Variants in OPCML observed in about 807,000 individuals in gnomAD.
The protein encoded by OPCML is opioid-binding protein/cell adhesion molecule.
In OPCML, 13 loss-of-function variants were observed where a neutral mutation model predicts 37.8. That is an observed-to-expected ratio of 0.34 (90% CI 0.22 to 0.55). OPCML has a LOEUF of 0.55. OPCML is among the 20% of genes least tolerant of loss of function. The pLI, the probability that OPCML is intolerant of heterozygous loss-of-function variation, is 0.91. For missense variants in OPCML, 341 were observed against 435.6 expected (o/e 0.78, Z 1.93); for synonymous variants, 176 against 168.8 (o/e 1.04, Z -0.33).
intron 1 of OPCML, among the ~76,000 whole-genome samples, chr11:133,483,412 TTAAATAGATAG>T (rs1191815416): frequency 6.6e-6 from 1 of 151,646 alleles, no homozygotes; most frequent in East Asian, 1.9e-4. Context: ...GATTGATAGA[TTAAATAGATAG>T]ATAATAGGCA....
At chr11:133,491,360 GACA>G (rs1323596369) in intron 1 of OPCML, among the ~76,000 whole-genome samples, 1 of 152,164 alleles carries the variant, frequency 6.6e-6, no homozygotes, top group Non-Finnish European at 1.5e-5. Flanking sequence ...AAGGCACCAC[GACA>G]CACTAGGTGA....
At chr11:133,273,908 T>A (rs1256374659) in intron 1 of OPCML, among the ~76,000 whole-genome samples, 1 of 152,258 alleles carries the variant, frequency 6.6e-6, no homozygotes, top group East Asian at 1.9e-4. Context: ...ATAAGTTTAA[T>A]TATTACTACT....
chr11:132,792,865 C>T (rs916326551), intron 2 of OPCML, among the ~76,000 whole-genome samples: 1 of 152,188 alleles, frequency 6.6e-6, no homozygotes, highest in Non-Finnish European at 1.5e-5. Flanking sequence ...GCCCGGGCAG[C>T]ACAGCAGCGC....
chr11:132,908,801 C>T (rs945662436), intron 2 of OPCML, among the ~76,000 whole-genome samples: 1 of 152,234 alleles, frequency 6.6e-6, no homozygotes, highest in Non-Finnish European at 1.5e-5. Context: ...ATAGAGGAGC[C>T]TCAGACAGGA....
At chr11:132,740,967 A>G (rs1259556952) in intron 2 of OPCML, among the ~76,000 whole-genome samples, 1 of 152,210 alleles carries the variant, frequency 6.6e-6, no homozygotes, top group Non-Finnish European at 1.5e-5. Flanking sequence ...TTAAAGGGCA[A>G]TGTGATGAAG....
At chr11:133,416,686 C>T (rs1945774575) in intron 1 of OPCML, among the ~76,000 whole-genome samples, 1 of 152,220 alleles carries the variant, frequency 6.6e-6, no homozygotes, top group African/African-American at 2.4e-5. Flanking sequence ...AATGATCACC[C>T]ACTGTAGTAG....
At chr11:132,471,885 C>T (rs934889333) in intron 4 of OPCML, among the ~76,000 whole-genome samples, 7 of 152,190 alleles carry the variant, frequency 4.6e-5, no homozygotes, top group African/African-American at 1.2e-4. Flanking sequence ...TGAAAGCAGG[C>T]TCAGCTGACA....
chr11:133,453,515 A>G (rs969185211), intron 1 of OPCML, among the ~76,000 whole-genome samples: 1 of 152,236 alleles, frequency 6.6e-6, no homozygotes, highest in Non-Finnish European at 1.5e-5. Context: ...AAAAATGAAG[A>G]CAAGCCAAAC....
chr11:132,549,078 GGATGA>G (rs926860209), intron 3 of OPCML, among the ~76,000 whole-genome samples: 4 of 152,104 alleles, frequency 2.6e-5, no homozygotes, highest in African/African-American at 9.7e-5. Context: ...CTTAGACACA[GGATGA>G]GATAAGAGGT....
intron 3 of OPCML, among the ~76,000 whole-genome samples, chr11:132,587,825 A>G (rs2096476323): frequency 6.6e-6 from 1 of 152,098 alleles, no homozygotes; most frequent in Non-Finnish European, 1.5e-5. Context: ...ATTCCATTTT[A>G]TGGGGCTGGT....
At chr11:132,735,787 A>T (rs1268312028) in intron 2 of OPCML, among the ~76,000 whole-genome samples, 1 of 152,182 alleles carries the variant, frequency 6.6e-6, no homozygotes, top group Non-Finnish European at 1.5e-5. Context: ...CTGGCCACAA[A>T]AGGATTTTAT....
At chr11:133,077,008 C>A (rs1948630669) in intron 1 of OPCML, among the ~76,000 whole-genome samples, 1 of 152,062 alleles carries the variant, frequency 6.6e-6, no homozygotes. Context: ...TATTTTGCTG[C>A]CCCCCATCTA....
chr11:132,514,015 T>C (rs1183769320), intron 4 of OPCML, among the ~76,000 whole-genome samples: 1 of 152,216 alleles, frequency 6.6e-6, no homozygotes, highest in Non-Finnish European at 1.5e-5. Flanking sequence ...TGAAGGAATG[T>C]TGTTTCCAGA....
At chr11:133,420,411 ATGCAGTATATCAG>A (rs2136892118) in intron 1 of OPCML, 1 of 985,438 alleles carries the variant, frequency 1.0e-6, no homozygotes, top group South Asian at 4.7e-5. Flanking sequence ...TCTTTGTTCA[ATGCAGTATATCAG>A]TTGAATTTCA....
At chr11:132,926,186 T>A (rs1435086048) in intron 2 of OPCML, among the ~76,000 whole-genome samples, 2 of 152,162 alleles carry the variant, frequency 1.3e-5, no homozygotes, top group Admixed American at 6.5e-5. Context: ...CTGTGTAACA[T>A]GATATTGTGT....
At chr11:132,498,234 T>C (rs1163230421) in intron 4 of OPCML, among the ~76,000 whole-genome samples, 1 of 152,204 alleles carries the variant, frequency 6.6e-6, no homozygotes, top group Non-Finnish European at 1.5e-5. Flanking sequence ...GCTTAGAGGT[T>C]CAAGGAGAAA....
chr11:132,858,194 G>A (rs982942252), intron 2 of OPCML, among the ~76,000 whole-genome samples: 21 of 152,130 alleles, frequency 1.4e-4, no homozygotes, highest in African/African-American at 4.6e-4. Flanking sequence ...ACTCAAATCC[G>A]TAGCCTGTCT....
chr11:133,275,688 T>A (rs1941972995), intron 1 of OPCML, among the ~76,000 whole-genome samples: 1 of 152,182 alleles, frequency 6.6e-6, no homozygotes, highest in Non-Finnish European at 1.5e-5. Flanking sequence ...TGCTGGACAC[T>A]AAGAGCACAG....
At chr11:133,499,312 T>A (rs2120518270) in intron 1 of OPCML, among the ~76,000 whole-genome samples, 1 of 152,274 alleles carries the variant, frequency 6.6e-6, no homozygotes, top group East Asian at 1.9e-4. Flanking sequence ...AACATCTCCA[T>A]CGCATTCCCA....
Sources: gnomAD v4.1 joint callset for allele counts (sites outside exome capture counted in the v4.1 genomes callset) on GRCh38, gnomAD v4.1.1 for gene constraint, MANE v1.5 for transcripts, NCBI Gene and HGNC (gene_info 2026-07-23, HGNC 2026-07-21) for gene names.